The following N4BP1 variants were observed in gnomAD, a reference collection of about 807,000 sequenced individuals.
N4BP1 encodes NEDD4 binding protein 1.
N4BP1 carries 21 observed loss-of-function variants against 70.9 expected under a neutral mutation model. The ratio of observed to expected loss-of-function variants is 0.30; its 90% CI spans 0.21 to 0.43. N4BP1 has a LOEUF of 0.43. Among genes scored for constraint, N4BP1 ranks in the 20% least tolerant of loss-of-function variants. The probability of loss-of-function intolerance (pLI) is 1.00; values close to 1 mark genes in which losing one functional copy is unlikely to be tolerated. For missense variants in N4BP1, 936 were observed against 1,069.4 expected, an observed-to-expected ratio of 0.88 and a Z score of 1.74; for synonymous variants, 387 against 394.6, an observed-to-expected ratio of 0.98 and a Z score of 0.23.
At chr16:48,566,204 TTTTC>T (rs1228414621) in intron 1 of N4BP1, among the ~76,000 whole-genome samples, 1 of 152,074 alleles carries the variant, frequency 6.6e-6, no homozygotes, top group African/African-American at 2.4e-5. Context: ...AAGACTTTTC[TTTTC>T]TTTCTTTTAT....
intron 1 of N4BP1, among the ~76,000 whole-genome samples, chr16:48,597,169 C>T (rs1345328381): frequency 6.6e-6 from 1 of 152,146 alleles, no homozygotes; most frequent in African/African-American, 2.4e-5. Context: ...TCCAGTCTCC[C>T]ACACAGCCAG....
chr16:48,542,830 T>G lies in N4BP1; in HGVS notation c.*74A>C. 7.9e-7 allele frequency: 1 copy of G among 1,260,954 alleles called. No homozygotes were observed. Among genetic ancestry groups the G allele is most frequent in the Non-Finnish European group, 1.1e-6 (1 of 908,530 alleles). The allele number at this position is 1,260,954 out of a possible 1,614,324, so 78.1% of individuals were successfully genotyped here. A position where few individuals can be genotyped will look rare whatever the true frequency, so the allele number is the denominator to read the frequency against. ...ATAAGTTTCTTCACATTATGTTCAT[T>G]CCCATCAGGTACAGGTGTGAGCTTG... On this transcript the variant is annotated 3_prime_UTR_variant, in exon 7 of 7. Coordinates refer to ENST00000262384, the MANE Select transcript of N4BP1 (RefSeq NM_153029.4).
chr16:48,575,566 C>T (rs2151093789), intron 1 of N4BP1, among the ~76,000 whole-genome samples: 1 of 152,284 alleles, frequency 6.6e-6, no homozygotes, highest in East Asian at 1.9e-4. Flanking sequence ...AAAGCAGGGG[C>T]TCAAGAGTAT....
At chr16:48,569,405 T>G (rs1963985240) in intron 1 of N4BP1, among the ~76,000 whole-genome samples, 1 of 152,062 alleles carries the variant, frequency 6.6e-6, no homozygotes, top group Non-Finnish European at 1.5e-5. Flanking sequence ...TTAATTTTTA[T>G]TTTTGAGACA....
At chr16:48,544,498 C>T (rs934832306) in intron 6 of N4BP1, among the ~76,000 whole-genome samples, 76 of 152,198 alleles carry the variant, frequency 5.0e-4, no homozygotes, top group African/African-American at 1.7e-3. Flanking sequence ...CACAGAAGTG[C>T]AGCCTGGTTT....
At chr16:48,570,913 T>TC (rs1964010955) in intron 1 of N4BP1, among the ~76,000 whole-genome samples, 1 of 152,334 alleles carries the variant, frequency 6.6e-6, no homozygotes, top group Admixed American at 6.5e-5. Flanking sequence ...TGTCTTGGCC[T>TC]CCCGAATAGC....
intron 1 of N4BP1, among the ~76,000 whole-genome samples, chr16:48,573,261 T>G (rs1964048330): frequency 6.6e-6 from 1 of 152,100 alleles, no homozygotes; most frequent in Non-Finnish European, 1.5e-5. Context: ...GTCTCATTTA[T>G]CTTAAAGAAA....
At chr16:48,593,343 C>T (rs1458956693) in intron 1 of N4BP1, among the ~76,000 whole-genome samples, 1 of 152,162 alleles carries the variant, frequency 6.6e-6, no homozygotes, top group Non-Finnish European at 1.5e-5. Context: ...CAGTTCTACA[C>T]ACAAAGTGTG....
intron 1 of N4BP1, among the ~76,000 whole-genome samples, chr16:48,608,756 A>T (rs1210208100): frequency 3.5e-5 from 2 of 57,716 alleles, no homozygotes; most frequent in African/African-American, 7.8e-5. Flanking sequence ...GCTGTTAATT[A>T]AAAAAAAAAA....
At chr16:48,605,123 C>T (rs564392426) in intron 1 of N4BP1, among the ~76,000 whole-genome samples, 1 of 152,094 alleles carries the variant, frequency 6.6e-6, no homozygotes, top group Non-Finnish European at 1.5e-5. Flanking sequence ...ACCTCCGCTT[C>T]CCTGGTTCAA....
intron 2 of N4BP1, 143 bp from the exon 3 acceptor site, chr16:48,553,812 G>T: frequency 1.4e-6 from 1 of 690,482 alleles, no homozygotes; most frequent in Non-Finnish European, 2.2e-6. Context: ...TTGGCATTTA[G>T]TTGCACAAAG....
intron 1 of N4BP1, among the ~76,000 whole-genome samples, chr16:48,585,988 GC>G (rs1288894896): frequency 1.3e-5 from 2 of 152,110 alleles, no homozygotes; most frequent in Non-Finnish European, 1.5e-5. Context: ...GAGCCACTGC[GC>G]CCGGCCAAAC....
intron 5 of N4BP1, 62 bp downstream of exon 5, chr16:48,547,943 GCA>G: frequency 9.3e-7 from 1 of 1,072,436 alleles, no homozygotes; most frequent in Non-Finnish European, 1.4e-6. Flanking sequence ...CGAACAAAAT[GCA>G]CACAGAAACA....
chr16:48,566,722 T>C (rs867150323), intron 1 of N4BP1, among the ~76,000 whole-genome samples: 4 of 152,226 alleles, frequency 2.6e-5, no homozygotes, highest in African/African-American at 9.7e-5. Flanking sequence ...AGAACCTGGC[T>C]GGTTGATGGT....
At chr16:48,574,343 AT>A (rs745336779) in intron 1 of N4BP1, among the ~76,000 whole-genome samples, 9 of 152,174 alleles carry the variant, frequency 5.9e-5, no homozygotes, top group Non-Finnish European at 1.2e-4. Flanking sequence ...CTTATCTGAC[AT>A]TTGAGATAAG....
At chr16:48,607,626 G>A (rs1309574926) in intron 1 of N4BP1, among the ~76,000 whole-genome samples, 1 of 152,104 alleles carries the variant, frequency 6.6e-6, no homozygotes, top group Non-Finnish European at 1.5e-5. Flanking sequence ...AGTCTTAACC[G>A]CAGCAAAGGC....
intron 6 of N4BP1, among the ~76,000 whole-genome samples, chr16:48,544,908 T>C (rs569659734): frequency 6.6e-6 from 1 of 152,276 alleles, no homozygotes; most frequent in Admixed American, 6.5e-5. Flanking sequence ...CACACATACA[T>C]GATGAACCTA....
intron 4 of N4BP1, 95 bp downstream of exon 4, chr16:48,551,291 C>T: frequency 1.3e-6 from 1 of 785,528 alleles, no homozygotes; most frequent in South Asian, 1.6e-5. Context: ...CTGCATCAAG[C>T]AGGTCCTCTA....
At chr16:48,554,398 C>T (rs1160861984) in intron 2 of N4BP1, among the ~76,000 whole-genome samples, 1 of 152,088 alleles carries the variant, frequency 6.6e-6, no homozygotes, top group Non-Finnish European at 1.5e-5. Flanking sequence ...GTTTACAATC[C>T]TTGGTATAGA....
Sources: gnomAD v4.1 joint callset for allele counts (sites outside exome capture counted in the v4.1 genomes callset) on GRCh38, gnomAD v4.1.1 for gene constraint, MANE v1.5 for transcripts, NCBI Gene and HGNC (gene_info 2026-07-23, HGNC 2026-07-21) for gene names.